TMEM117: variants seen among roughly 807,000 people sequenced by gnomAD.
TMEM117 encodes transmembrane protein 117.
In TMEM117, 27 loss-of-function variants were observed where a neutral mutation model predicts 52.4. That is an observed-to-expected ratio of 0.51 (90% CI 0.38 to 0.71). The LOEUF is 0.71. Ranked by LOEUF, TMEM117 falls within the 30% of genes least tolerant of loss-of-function variation. The pLI, the probability that TMEM117 is intolerant of heterozygous loss-of-function variation, is 0.00. For missense variants in TMEM117, 556 were observed against 630.5 expected, an observed-to-expected ratio of 0.88 and a Z score of 1.26; for synonymous variants, 215 against 206.3, an observed-to-expected ratio of 1.04 and a Z score of -0.36.
chr12:44,123,497 TTGCC>T (rs777840401), intron 3 of TMEM117, among the ~76,000 whole-genome samples: 30 of 152,232 alleles, frequency 2.0e-4, no homozygotes, highest in Admixed American at 2.6e-4. Context: ...CTGAATGGTA[TTGCC>T]TAGATTTCCT....
chr12:44,137,921 C>A (rs2138187106), intron 3 of TMEM117, among the ~76,000 whole-genome samples: 2 of 152,166 alleles, frequency 1.3e-5, no homozygotes, highest in Middle Eastern at 3.4e-3. Context: ...AAAATGGAAG[C>A]CAGTAGGCCA....
chr12:43,970,227 A>G (rs886840523), intron 3 of TMEM117, among the ~76,000 whole-genome samples: 1 of 152,064 alleles, frequency 6.6e-6, no homozygotes, highest in Non-Finnish European at 1.5e-5. Context: ...TAATGACCTC[A>G]GTGTGCAAGA....
In TMEM117 at chr12:43,877,394, G is replaced by A. The variant is rs61930692; in HGVS notation, c.277+32466G>A. Among the ~76,000 whole-genome samples, 1,270 of 152,180 alleles carry A rather than the reference G, an allele frequency of 8.3e-3. 11 individuals are homozygous for A. Among genetic ancestry groups the A allele is most frequent in the Non-Finnish European group, 0.014 (947 of 67,992 alleles). On this transcript the variant is annotated intron_variant, in intron 2 of 7. Transcript: ENST00000266534. ...CACGTCTGTAATCCCAGCACTTTGG[G>A]ACACCGAGGCAGGTGGAACACCTGA... is the stretch of plus-strand genomic sequence containing the variant.
intron 4 of TMEM117, among the ~76,000 whole-genome samples, chr12:44,182,856 G>T (rs1028389343): frequency 1.6e-4 from 24 of 152,130 alleles, no homozygotes; most frequent in Admixed American, 2.6e-4. Flanking sequence ...TTCATTTGAT[G>T]TGTAGTTAAA....
intron 3 of TMEM117, among the ~76,000 whole-genome samples, chr12:43,993,936 C>T (rs1945986845): frequency 6.6e-6 from 1 of 152,090 alleles, no homozygotes; most frequent in Non-Finnish European, 1.5e-5. Context: ...CTCAAGTGTT[C>T]CACCCACCTC....
In TMEM117 at chr12:44,311,899, A is replaced by G. The variant is rs60046031; in HGVS notation, c.768+12160A>G. ...TATGTATATATGTATATATATGTGT[A>G]TATATATATGTGTGTATATATATAT... is the stretch of plus-strand genomic sequence containing the variant. On this transcript the variant is annotated intron_variant, in intron 6 of 7. Transcript: ENST00000266534. 4.5e-3 allele frequency among the ~76,000 whole-genome samples: 592 copies of G among 131,770 alleles called. 10 individuals carry two copies. Among genetic ancestry groups the G allele is most frequent in the African/African-American group, 5.6e-3 (162 of 29,012 alleles). The allele number at this position is 131,770 out of a possible 152,430, so 86.4% of individuals were successfully genotyped here.
At chr12:43,936,204 G>A (rs187510529) in intron 2 of TMEM117, among the ~76,000 whole-genome samples, 4 of 152,246 alleles carry the variant, frequency 2.6e-5, no homozygotes, top group South Asian at 2.1e-4. Context: ...AGAGGGCATC[G>A]CAATAGGTCT....
intron 4 of TMEM117, among the ~76,000 whole-genome samples, chr12:44,149,518 G>A (rs919147430): frequency 6.6e-6 from 1 of 152,120 alleles, no homozygotes; most frequent in African/African-American, 2.4e-5. Context: ...CTAAAATGTG[G>A]TGATGTTTTT....
At chr12:44,367,718 C>T (rs1324299213) in intron 6 of TMEM117, among the ~76,000 whole-genome samples, 1 of 152,090 alleles carries the variant, frequency 6.6e-6, no homozygotes, top group African/African-American at 2.4e-5. Flanking sequence ...ATCTAATAAG[C>T]CCTGCCATAT....
intron 3 of TMEM117, among the ~76,000 whole-genome samples, chr12:44,118,342 A>C: frequency 6.6e-6 from 1 of 152,200 alleles, no homozygotes; most frequent in East Asian, 1.9e-4. Flanking sequence ...TACCTACGTT[A>C]ACTGTGGTTT....
chr12:44,379,804 G>A (rs533429548), intron 7 of TMEM117, among the ~76,000 whole-genome samples: 42 of 152,250 alleles, frequency 2.8e-4, no homozygotes, highest in Middle Eastern at 3.4e-3. Flanking sequence ...CCGAGCCCTG[G>A]TACTTTTTTT....
intron 4 of TMEM117, among the ~76,000 whole-genome samples, chr12:44,147,173 A>G (rs945411568): frequency 2.0e-5 from 3 of 152,216 alleles, no homozygotes; most frequent in African/African-American, 7.2e-5. Flanking sequence ...GATGTAATCC[A>G]CATTGAGCTG....
chr12:44,379,031 C>T (rs1951981955), intron 7 of TMEM117, among the ~76,000 whole-genome samples: 1 of 151,914 alleles, frequency 6.6e-6, no homozygotes, highest in South Asian at 2.1e-4. Context: ...CACCTATAGT[C>T]CTGGCACTTT....
chr12:44,016,746 G>T (rs1481956991), intron 3 of TMEM117, among the ~76,000 whole-genome samples: 1 of 152,162 alleles, frequency 6.6e-6, no homozygotes, highest in Non-Finnish European at 1.5e-5. Flanking sequence ...GTGCCTGAAG[G>T]TTTGTGGATG....
At position 44,143,606 on chromosome 12, in the gene TMEM117, C is replaced by T. The variant is rs756457880; in HGVS notation, c.492C>T (p.Asp164=). 3 of 1,613,518 alleles carry T rather than the reference C, an allele frequency of 1.9e-6. No homozygotes were observed. The highest frequency in any genetic ancestry group is 2.5e-6 in the Non-Finnish European group (3 of 1,179,768). ...KLAAVGTWMG[D]FVTAWMVTDM... is the part of the protein sequence containing the mutation. ...CTGCAGTAGGGACCTGGATGGGGGA[C>T]TTTGTCACAGCTTGGATGGTAAGAA... is the stretch of plus-strand genomic sequence containing the variant. Residue 164 remains aspartate (D), a synonymous_variant, in exon 4 of 8, where the codon GAC becomes GAT. Transcript: ENST00000266534.
chr12:44,065,407 A>AG (rs1365577630), intron 3 of TMEM117, among the ~76,000 whole-genome samples: 22 of 152,080 alleles, frequency 1.4e-4, no homozygotes, highest in African/African-American at 4.8e-4. Flanking sequence ...GAAAAAAAAA[A>AG]GGAATAATGG....
At chr12:43,854,825 C>G (rs1443878779) in intron 2 of TMEM117, among the ~76,000 whole-genome samples, 1 of 151,950 alleles carries the variant, frequency 6.6e-6, no homozygotes, top group African/African-American at 2.4e-5. Context: ...TTAGTAGAGA[C>G]AGGGTTTCAC....
intron 2 of TMEM117, among the ~76,000 whole-genome samples, chr12:43,878,931 A>G (rs943761361): frequency 2.0e-5 from 3 of 152,194 alleles, no homozygotes; most frequent in Non-Finnish European, 4.4e-5. Flanking sequence ...GAAAATATCT[A>G]GTGAAAGAAG....
At chr12:44,387,366 T>A (rs929843616) in intron 7 of TMEM117, among the ~76,000 whole-genome samples, 1 of 151,892 alleles carries the variant, frequency 6.6e-6, no homozygotes, top group Admixed American at 6.6e-5. Flanking sequence ...AAATAATAGT[T>A]GCAATCTCTT....
Sources: allele counts gnomAD v4.1 joint callset (sites outside exome capture counted in the v4.1 genomes callset), GRCh38; gene constraint gnomAD v4.1.1; transcripts MANE v1.5; gene names NCBI Gene and HGNC (gene_info 2026-07-23, HGNC 2026-07-21).